Variants in B3GALT1 observed in about 807,000 individuals in gnomAD.
B3GALT1 encodes UDP-Gal:betaGlcNAc beta 1,3-galactosyltransferase, polypeptide 1.
Under a neutral mutation model 23.2 loss-of-function variants are expected in B3GALT1, and 10 were observed. The observed-to-expected ratio is 0.43, with a 90% CI of 0.27 to 0.73. The LOEUF (loss-of-function observed/expected upper bound fraction) is 0.73, where lower values mean the gene tolerates loss of function less well. Ranked by LOEUF, B3GALT1 falls within the 30% of genes least tolerant of loss-of-function variation. B3GALT1 has a pLI of 0.21. For synonymous variants in B3GALT1, 156 were observed against 141.5 expected, an observed-to-expected ratio of 1.10 and a Z score of -0.73; for missense variants, 299 against 405.4, an observed-to-expected ratio of 0.74 and a Z score of 2.25.
chr2:167,817,188 A>G (rs529080663), intron 3 of B3GALT1, among the ~76,000 whole-genome samples: 1 of 152,352 alleles, frequency 6.6e-6, no homozygotes, highest in South Asian at 2.1e-4. Context: ...TAATCCCAGG[A>G]TGACATTGAA....
At chr2:167,308,303 T>C (rs1696580343) in intron 1 of B3GALT1, among the ~76,000 whole-genome samples, 1 of 151,996 alleles carries the variant, frequency 6.6e-6, no homozygotes, top group African/African-American at 2.4e-5. Flanking sequence ...TCCTTTTGTT[T>C]ATTAGTTTTT....
intron 1 of B3GALT1, among the ~76,000 whole-genome samples, chr2:167,361,203 C>T (rs948778380): frequency 1.5e-5 from 2 of 136,914 alleles, no homozygotes; most frequent in African/African-American, 2.6e-5. Context: ...ACACTGATTT[C>T]CCCCACTAGT....
At chr2:167,570,980 A>G (rs940969747) in intron 2 of B3GALT1, among the ~76,000 whole-genome samples, 1 of 152,000 alleles carries the variant, frequency 6.6e-6, no homozygotes, top group Admixed American at 6.6e-5. Context: ...ATTCTCATAC[A>G]TAATAACATC....
intron 1 of B3GALT1, among the ~76,000 whole-genome samples, chr2:167,459,713 G>A (rs1227534403): frequency 6.6e-6 from 1 of 151,954 alleles, no homozygotes; most frequent in African/African-American, 2.4e-5. Context: ...TTTTCATATG[G>A]CTTCAAGTTA....
chr2:167,705,280 A>G (rs149919772), intron 3 of B3GALT1, among the ~76,000 whole-genome samples: 8 of 152,288 alleles, frequency 5.3e-5, no homozygotes, highest in African/African-American at 1.9e-4. Context: ...CTGACTTATG[A>G]TAGCTATTAT....
chr2:167,567,661 C>T (rs1240559565), intron 2 of B3GALT1, among the ~76,000 whole-genome samples: 4 of 151,972 alleles, frequency 2.6e-5, no homozygotes, highest in African/African-American at 9.7e-5. Flanking sequence ...CCCATACATG[C>T]CAGCCTTCCC....
intron 1 of B3GALT1, among the ~76,000 whole-genome samples, chr2:167,416,363 G>A (rs1022170052): frequency 9.2e-5 from 14 of 152,168 alleles, no homozygotes; most frequent in East Asian, 1.9e-4. Context: ...GATACAAGTC[G>A]TCAACCTTAG....
chr2:167,435,920 G>A (rs932690271), intron 1 of B3GALT1, among the ~76,000 whole-genome samples: 1 of 150,326 alleles, frequency 6.7e-6, no homozygotes, highest in Non-Finnish European at 1.5e-5. Context: ...CTTGATCTCT[G>A]CTTTTCTCCA....
intron 1 of B3GALT1, among the ~76,000 whole-genome samples, chr2:167,302,638 C>G (rs532594204): frequency 6.6e-6 from 1 of 151,788 alleles, no homozygotes; most frequent in Non-Finnish European, 1.5e-5. Context: ...ATTGTCATAT[C>G]AGGTTAAAAA....
intron 2 of B3GALT1, among the ~76,000 whole-genome samples, chr2:167,528,983 T>C (rs1465040535): frequency 6.6e-6 from 1 of 152,112 alleles, no homozygotes. Flanking sequence ...CTTTGTGTAT[T>C]GATCCCGTTT....
At chr2:167,389,120 G>A (rs1463800675) in intron 1 of B3GALT1, among the ~76,000 whole-genome samples, 1 of 152,124 alleles carries the variant, frequency 6.6e-6, no homozygotes, top group Non-Finnish European at 1.5e-5. Flanking sequence ...TATTATATAA[G>A]AACAACTTGT....
At chr2:167,763,016 A>G (rs1371102602) in intron 3 of B3GALT1, among the ~76,000 whole-genome samples, 3 of 152,216 alleles carry the variant, frequency 2.0e-5, no homozygotes, top group African/African-American at 7.2e-5. Context: ...TAGGAAAAGT[A>G]CGTCTATTTG....
intron 1 of B3GALT1, among the ~76,000 whole-genome samples, chr2:167,361,210 T>C (rs112136267): frequency 4.2e-5 from 5 of 120,338 alleles, no homozygotes; most frequent in African/African-American, 1.4e-4. Flanking sequence ...TTTCCCCCAC[T>C]AGTTTTTTTT....
chr2:167,562,783 A>G (rs1684034856), intron 2 of B3GALT1, among the ~76,000 whole-genome samples: 1 of 151,932 alleles, frequency 6.6e-6, no homozygotes, highest in Non-Finnish European at 1.5e-5. Context: ...TTTCCTAGGC[A>G]GAGGACCCTG....
intron 1 of B3GALT1, among the ~76,000 whole-genome samples, chr2:167,309,067 T>C (rs771820746): frequency 6.6e-6 from 1 of 151,988 alleles, no homozygotes; most frequent in Non-Finnish European, 1.5e-5. Context: ...AACGAGTTCT[T>C]TTCTGTTTGT....
chr2:167,316,794 A>G (rs1163645728), intron 1 of B3GALT1, among the ~76,000 whole-genome samples: 1 of 152,020 alleles, frequency 6.6e-6, no homozygotes, highest in African/African-American at 2.4e-5. Flanking sequence ...TGCATTTCTT[A>G]TGGGTGCTTC....
intron 3 of B3GALT1, chr2:167,715,691 C>T (rs553355595): frequency 6.8e-6 from 11 of 1,613,370 alleles, no homozygotes; most frequent in South Asian, 1.1e-5. Flanking sequence ...CTCCAAACTT[C>T]GTGCTTCTGC....
At chr2:167,761,375 A>G (rs972463160) in intron 3 of B3GALT1, among the ~76,000 whole-genome samples, 3 of 152,222 alleles carry the variant, frequency 2.0e-5, no homozygotes, top group African/African-American at 7.2e-5. Context: ...AAAGTTAGAA[A>G]TAAAATTACA....
intron 3 of B3GALT1, among the ~76,000 whole-genome samples, chr2:167,818,454 T>C (rs760356059): frequency 6.6e-6 from 1 of 152,224 alleles, no homozygotes; most frequent in Non-Finnish European, 1.5e-5. Flanking sequence ...TCTGAGTTTG[T>C]AATCCTAGTA....
Sources: gnomAD v4.1 joint callset for allele counts (sites outside exome capture counted in the v4.1 genomes callset) on GRCh38, gnomAD v4.1.1 for gene constraint, MANE v1.5 for transcripts, NCBI Gene and HGNC (gene_info 2026-07-23, HGNC 2026-07-21) for gene names.